The following SPHKAP variants were observed in gnomAD, a reference collection of about 807,000 sequenced individuals.
SPHKAP encodes A-kinase anchor protein SPHKAP.
SPHKAP carries 67 observed loss-of-function variants against 137.5 expected under a neutral mutation model. The observed-to-expected ratio is 0.49, with a 90% CI of 0.40 to 0.60. SPHKAP has a LOEUF of 0.60. Among genes scored for constraint, SPHKAP ranks in the 20% least tolerant of loss-of-function variants. The pLI is 0.00. For missense variants in SPHKAP, 2,097 were observed against 2,069.3 expected (o/e 1.01, Z -0.26); for synonymous variants, 813 against 785.3 (o/e 1.04, Z -0.59).
chr2:228,083,119 A>G (rs1697416014), intron 3 of SPHKAP, among the ~76,000 whole-genome samples: 1 of 152,206 alleles, frequency 6.6e-6, no homozygotes, highest in South Asian at 2.1e-4. Flanking sequence ...GAAAAAATAA[A>G]CCTCTCAACC....
At chr2:228,118,815 C>T (rs1375723328) in intron 2 of SPHKAP, among the ~76,000 whole-genome samples, 3 of 152,140 alleles carry the variant, frequency 2.0e-5, no homozygotes, top group Non-Finnish European at 2.9e-5. Context: ...TAAGCACCTG[C>T]TGTCTGTACT....
At chr2:228,105,790 G>A (rs1213907238) in intron 3 of SPHKAP, among the ~76,000 whole-genome samples, 3 of 152,202 alleles carry the variant, frequency 2.0e-5, no homozygotes, top group Non-Finnish European at 4.4e-5. Flanking sequence ...TATGAGTTGT[G>A]CCTTTTGCCT....
intron 3 of SPHKAP, among the ~76,000 whole-genome samples, chr2:228,099,443 G>A (rs936982043): frequency 7.9e-5 from 12 of 152,074 alleles, no homozygotes; most frequent in African/African-American, 2.9e-4. Flanking sequence ...GTATAGTTTG[G>A]AGTTGGGTAA....
chr2:228,052,606 AG>A (rs1433079779), intron 3 of SPHKAP, among the ~76,000 whole-genome samples: 1 of 152,176 alleles, frequency 6.6e-6, no homozygotes, highest in Non-Finnish European at 1.5e-5. Context: ...ATCAATCAAA[AG>A]TGAGGGTTAG....
intron 3 of SPHKAP, among the ~76,000 whole-genome samples, chr2:228,084,811 A>C (rs1180847498): frequency 6.6e-6 from 1 of 152,232 alleles, no homozygotes; most frequent in African/African-American, 2.4e-5. Flanking sequence ...GGCTGGATTG[A>C]ACAGAGAAAA....
At chr2:228,067,007 G>A (rs974159088) in intron 3 of SPHKAP, among the ~76,000 whole-genome samples, 6 of 152,150 alleles carry the variant, frequency 3.9e-5, no homozygotes, top group Admixed American at 6.5e-5. Flanking sequence ...ATCCAGAATT[G>A]TCTTTCCTCA....
intron 2 of SPHKAP, among the ~76,000 whole-genome samples, chr2:228,114,657 T>G (rs1698647599): frequency 6.6e-6 from 1 of 152,172 alleles, no homozygotes; most frequent in South Asian, 2.1e-4. Context: ...GCTATTAGTA[T>G]CAGAAATGCA....
At chr2:228,037,699 G>A (rs572428279) in intron 3 of SPHKAP, among the ~76,000 whole-genome samples, 10 of 152,246 alleles carry the variant, frequency 6.6e-5, no homozygotes, top group South Asian at 4.2e-4. Context: ...AGTAGGAGTC[G>A]AAATGGAAAG....
intron 1 of SPHKAP, among the ~76,000 whole-genome samples, chr2:228,147,302 G>T (rs1200395472): frequency 6.6e-6 from 1 of 152,170 alleles, no homozygotes; most frequent in Admixed American, 6.5e-5. Flanking sequence ...ACCAATGTTA[G>T]TGAATCTATC....
intron 1 of SPHKAP, among the ~76,000 whole-genome samples, chr2:228,137,581 C>G (rs1048095470): frequency 1.3e-5 from 2 of 152,090 alleles, no homozygotes; most frequent in African/African-American, 2.4e-5. Flanking sequence ...AAAGAATGCT[C>G]TTGGTGAAAT....
chr2:228,019,841 A>C lies in SPHKAP; in HGVS notation c.1013T>G (p.Leu338Arg). The C allele has an allele frequency of 6.2e-7, 1 of 1,614,182 alleles. No homozygotes were observed. The highest frequency in any genetic ancestry group is 1.3e-5 in the African/African-American group (1 of 75,050). The change falls in exon 7 of 12, where the codon CTG becomes CGG. Residue 338 changes from leucine (L) to arginine (R), a missense_variant. Physicochemically the swap from Leu to Arg is moderately radical, Grantham distance 102 (BLOSUM62 -2). Transcript: ENST00000392056. The part of the protein sequence containing the change: ...FKGQMEKSQA[L>R]YIPKDAYFSM... The stretch of plus-strand genomic sequence containing the variant: ...GAAATAAGCATCTTTTGGAATATAC[A>C]GTGCCTGTGATTTTTCCATTTGACC...
At position 228,018,932 on chromosome 2, in the gene SPHKAP, T is replaced by G; in HGVS notation, c.1922A>C (p.Asp641Ala). The change falls in exon 7 of 12, where the codon GAC becomes GCC. Residue 641 changes from aspartate to alanine, a missense_variant. Asp to Ala is a moderately radical substitution (Grantham distance 126, BLOSUM62 -2). Transcript: ENST00000392056. ...TTCCATGATTCTCCTGTTCATGGAG[T>G]CCAGAAAGTCTCCAATGCTGCTGTA... is the stretch of plus-strand genomic sequence containing the variant. ...NTYSSIGDFLDSMNRRIMETA... is the reference protein window; with the variant it reads ...NTYSSIGDFLASMNRRIMETA... 6.2e-7 allele frequency: 1 copy of G among 1,614,114 alleles called. No individual in the cohort carries two copies. The highest frequency in any genetic ancestry group is 2.2e-5 in the East Asian group (1 of 44,872).
rs931974670 is a variant in SPHKAP at position 228,131,395 on chromosome 2, C to T, written c.138+585G>A. The T allele has an allele frequency of 3.5e-5, 25 of 716,208 alleles. No homozygotes were observed. In the African/African-American group the frequency reaches 3.7e-4, roughly 11 times the overall value. The allele number at this position is 716,208 out of a possible 1,614,324, so 44.4% of individuals were successfully genotyped here. ...GACATTCTACTTCAAGTTTTGGGGCCTTAGATTTGATTGGCTGGGAAAATG... is the reference window on the plus strand; with the variant it reads ...GACATTCTACTTCAAGTTTTGGGGCTTTAGATTTGATTGGCTGGGAAAATG... On this transcript the variant is annotated intron_variant, in intron 2 of 11. Coordinates refer to ENST00000392056, the MANE Select transcript of SPHKAP (RefSeq NM_001142644.2).
intron 7 of SPHKAP, among the ~76,000 whole-genome samples, chr2:228,008,969 T>A (rs1448169741): frequency 6.6e-5 from 10 of 152,196 alleles, no homozygotes; most frequent in Non-Finnish European, 1.2e-4. Flanking sequence ...TCTTTTGGTC[T>A]CCATACAAAC....
chr2:228,022,535 T>C (rs1325194790), intron 5 of SPHKAP, among the ~76,000 whole-genome samples: 1 of 152,198 alleles, frequency 6.6e-6, no homozygotes, highest in African/African-American at 2.4e-5. Context: ...AAGGGAACTA[T>C]CTTCCTTGAT....
chr2:227,994,614 G>T (rs775129476), intron 8 of SPHKAP, among the ~76,000 whole-genome samples: 14 of 152,126 alleles, frequency 9.2e-5, no homozygotes, highest in Non-Finnish European at 1.6e-4. Context: ...TAGCTTTTGA[G>T]GGGGGCACCA....
Position 228,154,201 on chromosome 2 carries a change from T to A in SPHKAP, c.33-22116A>T, listed in dbSNP as rs566936146. On this transcript the variant is annotated intron_variant, in intron 1 of 11. Transcript: ENST00000392056. The stretch of plus-strand genomic sequence containing the variant: ...ACGACAGACAAAATGCAAATCTTCA[T>A]GTAAGTCCTAAACTGTAATGTTTAA... 5.9e-5 allele frequency among the ~76,000 whole-genome samples: 9 copies of A among 152,078 alleles called. No individual in the cohort carries two copies. In the East Asian group the frequency reaches 1.5e-3, roughly 26 times the overall value.
At chr2:228,129,780 T>C (rs1422358061) in intron 2 of SPHKAP, among the ~76,000 whole-genome samples, 1 of 151,496 alleles carries the variant, frequency 6.6e-6, no homozygotes, top group Non-Finnish European at 1.5e-5. Context: ...AAAGATTAGC[T>C]TTAGTTTTAA....
intron 3 of SPHKAP, among the ~76,000 whole-genome samples, chr2:228,074,214 G>C (rs570518010): frequency 6.6e-6 from 1 of 152,314 alleles, no homozygotes; most frequent in African/African-American, 2.4e-5. Context: ...TGATTAAAAA[G>C]TGTGTTCAAG....
Sources: gnomAD v4.1 joint callset for allele counts (sites outside exome capture counted in the v4.1 genomes callset) on GRCh38, gnomAD v4.1.1 for gene constraint, MANE v1.5 for transcripts, NCBI Gene and HGNC (gene_info 2026-07-23, HGNC 2026-07-21) for gene names.